Variants in SEC23IP observed in about 807,000 individuals in gnomAD.
The protein encoded by SEC23IP is SEC23 interacting protein.
In SEC23IP, 70 loss-of-function variants were observed where a neutral mutation model predicts 113.4. That is an observed-to-expected ratio of 0.62 (90% CI 0.51 to 0.75). The LOEUF (loss-of-function observed/expected upper bound fraction) is 0.75, where lower values mean the gene tolerates loss of function less well. SEC23IP is among the 30% of genes least tolerant of loss of function. The pLI, the probability that SEC23IP is intolerant of heterozygous loss-of-function variation, is 0.00. For missense variants in SEC23IP, 1,160 were observed against 1,204.9 expected, an observed-to-expected ratio of 0.96 and a Z score of 0.55; for synonymous variants, 398 against 421.0, an observed-to-expected ratio of 0.95 and a Z score of 0.67.
chr10:119,926,267 G>T, intron 13 of SEC23IP, 40 bp downstream of exon 13: 2 of 1,522,586 alleles, frequency 1.3e-6, no homozygotes, highest in Non-Finnish European at 1.8e-6. Context: ...AGTTCATGTT[G>T]GAATCATAAT....
At chr10:119,901,043 G>GA (rs11407972) in intron 2 of SEC23IP, among the ~76,000 whole-genome samples, 80,110 of 119,812 alleles carry the variant, frequency 0.67, 27,328 homozygotes, top group East Asian at 0.82. Flanking sequence ...TTTTTAAAGA[G>GA]TGGGGGGGGG....
At position 119,919,446 on chromosome 10, in the gene SEC23IP, G is replaced by A. The variant is rs1432549894; in HGVS notation, c.1875G>A (p.Met625Ile). The change falls in exon 11 of 19, where the codon ATG (methionine) becomes ATA (isoleucine). Residue 625 changes from methionine (M) to isoleucine (I), a missense_variant and splice_region_variant. Physicochemically the swap from Met to Ile is conservative, Grantham distance 10. Transcript: ENST00000369075. ...TTTTCATACTTTTTTTTTTAAAGAT[G>A]CCTGAAGAGCCAAAGCTGACTTTGG... Reference protein sequence around the residue: ...VKQLHFQEKQMPEEPKLTLDE... With the variant: ...VKQLHFQEKQIPEEPKLTLDE... 1.3e-6 allele frequency: 2 copies of A among 1,586,498 alleles called. No individual in the cohort carries two copies. The highest frequency in any genetic ancestry group is 2.7e-5 in the African/African-American group (2 of 72,822).
chr10:119,920,547 C>A (rs192337442), intron 11 of SEC23IP, among the ~76,000 whole-genome samples: 1 of 152,182 alleles, frequency 6.6e-6, no homozygotes, highest in African/African-American at 2.4e-5. Flanking sequence ...CATAAGACAT[C>A]GCTTCAAAGA....
At chr10:119,939,085 G>A (rs1855884697) in intron 18 of SEC23IP, among the ~76,000 whole-genome samples, 1 of 151,900 alleles carries the variant, frequency 6.6e-6, no homozygotes, top group Admixed American at 6.6e-5. Context: ...GAGGCAGGCA[G>A]ATCGCTTGAG....
intron 15 of SEC23IP, among the ~76,000 whole-genome samples, chr10:119,930,844 A>T (rs1855572926): frequency 6.6e-6 from 1 of 152,222 alleles, no homozygotes; most frequent in African/African-American, 2.4e-5. Context: ...AAATTCATTA[A>T]ACATAATGGA....
chr10:119,932,894 C>T, intron 16 of SEC23IP, 111 bp from the exon 17 acceptor site: 1 of 873,630 alleles, frequency 1.1e-6, no homozygotes, highest in Non-Finnish European at 1.8e-6. Flanking sequence ...GGTAGCTCCT[C>T]AGGTTGCTAC....
chr10:119,892,987 C>A, intron 1 of SEC23IP, 42 bp downstream of exon 1: 2 of 1,579,490 alleles, frequency 1.3e-6, no homozygotes, highest in Non-Finnish European at 1.7e-6. Flanking sequence ...GGGAGGCGGG[C>A]GGGGGACGTG....
rs71502804 is a variant in SEC23IP, at chr10:119,913,967, C to T, written c.1313-763C>T. Among the ~76,000 whole-genome samples, 69 of 151,914 alleles carry T rather than the reference C, an allele frequency of 4.5e-4. 2 individuals are homozygous for T. The highest frequency in any genetic ancestry group is 4.2e-3 in the Admixed American group (64 of 15,274). ...AGGAGTTCGAGACCAGCCTGGCCAA[C>T]TTGGTGAAACCCTGTCTCTACTAAA... is the stretch of plus-strand genomic sequence containing the variant. On this transcript the variant is annotated intron_variant, in intron 6 of 18. Transcript: ENST00000369075.
chr10:119,909,064 C>T lies in SEC23IP; in HGVS notation c.1125C>T (p.Thr375=), dbSNP rs1266582019. ...AGGCTGAATATAAAAAAGCTGTAAC[C>T]ACTAATCAGTGGCACCGAAGATTAG... ...KLEAEYKKAV[T]TNQWHRRLEF... The change falls in exon 5 of 19, where the codon ACC becomes ACT. Residue 375 remains threonine (T), a synonymous_variant. Transcript: ENST00000369075. 6.2e-7 allele frequency: 1 copy of T among 1,611,998 alleles called. No homozygotes were observed. Among genetic ancestry groups the T allele is most frequent in the Non-Finnish European group, 8.5e-7 (1 of 1,178,938 alleles).
chr10:119,926,752 A>G (rs905604311), intron 13 of SEC23IP, among the ~76,000 whole-genome samples: 2 of 152,254 alleles, frequency 1.3e-5, no homozygotes, highest in African/African-American at 4.8e-5. Context: ...ACAGTTGGGT[A>G]TATAAAGATG....
intron 4 of SEC23IP, among the ~76,000 whole-genome samples, chr10:119,906,604 A>T: frequency 6.6e-6 from 1 of 150,886 alleles, no homozygotes; most frequent in Non-Finnish European, 1.5e-5. Context: ...TTTAAACAGG[A>T]TCTCACTGTC....
rs528831509 is a variant in SEC23IP at position 119,940,918 on chromosome 10, G to T, written c.*353G>T. The T allele has an allele frequency of 6.6e-6, 1 of 152,114 alleles. No homozygotes were observed. The highest frequency in any genetic ancestry group is 1.5e-5 in the Non-Finnish European group (1 of 67,998). 9.4% of individuals were successfully genotyped at this position (152,114 alleles called of 1,614,324 possible). ...TTGTAGCATGTAAACGGTTATTTCT[G>T]TTTCTTAAAAAGTATTGTTAGTGGG... On this transcript the variant is annotated 3_prime_UTR_variant, in exon 19 of 19. Coordinates refer to ENST00000369075, the MANE Select transcript of SEC23IP (RefSeq NM_007190.4).
chr10:119,934,541 A>T (rs1333950044), intron 18 of SEC23IP, among the ~76,000 whole-genome samples: 1 of 152,232 alleles, frequency 6.6e-6, no homozygotes, highest in African/African-American at 2.4e-5. Context: ...GAGACACCAG[A>T]TACCTGGTTT....
Position 119,892,804 on chromosome 10 carries a change from G to T in SEC23IP, c.22G>T (p.Gly8Cys). The change falls in exon 1 of 19, where the codon GGT (glycine) becomes TGT (cysteine). Residue 8 changes from glycine to cysteine, a missense_variant. Transcript: ENST00000369075. MAERKPN[G>C]GSGGASTSSS... ...AGCCATGGCCGAGAGAAAACCTAAC[G>T]GTGGCAGCGGCGGCGCCTCCACTTC... 6.2e-7 allele frequency: 1 copy of T among 1,611,958 alleles called. No individual in the cohort carries two copies.
At chr10:119,927,896 C>T (rs2134518066) in intron 13 of SEC23IP, among the ~76,000 whole-genome samples, 1 of 152,320 alleles carries the variant, frequency 6.6e-6, no homozygotes, top group East Asian at 1.9e-4. Flanking sequence ...AAAGGATGGA[C>T]ACAGTCCCTT....
rs774516187 is a variant in SEC23IP at position 119,914,737 on chromosome 10, G to A, written c.1320G>A (p.Met440Ile). 1 of 1,614,024 alleles carries A rather than the reference G, an allele frequency of 6.2e-7. No homozygotes were observed. Among genetic ancestry groups the A allele is most frequent in the East Asian group, 2.2e-5 (1 of 44,878 alleles). The change falls in exon 7 of 19, where the codon ATG becomes ATA. Residue 440 changes from methionine (M) to isoleucine (I), a missense_variant. Transcript: ENST00000369075. ...AAAAATTTTTTTTGATAGGGGAGATGCCTCAAGTTGACCATTTGGTGTTTG... is the reference window on the plus strand; with the variant it reads ...AAAAATTTTTTTTGATAGGGGAGATACCTCAAGTTGACCATTTGGTGTTTG... ...DNLDEIPDGE[M>I]PQVDHLVFVV... is the part of the protein sequence containing the mutation.
chr10:119,933,838 A>T, intron 18 of SEC23IP, 51 bp downstream of exon 18: 1 of 942,442 alleles, frequency 1.1e-6, no homozygotes. Context: ...GCATTCTCAA[A>T]TCTGTTGTAT....
intron 1 of SEC23IP, among the ~76,000 whole-genome samples, chr10:119,898,080 A>AAT (rs1257702645): frequency 6.6e-6 from 1 of 151,906 alleles, no homozygotes; most frequent in Non-Finnish European, 1.5e-5. Flanking sequence ...AACATATACA[A>AAT]ATATATATTT....
rs2134554529 is a variant in SEC23IP, at chr10:119,943,827, A to G, written c.*3262A>G. ...ACAGGCCAGGGGTTATTGAGGACAC[A>G]TCTGTGAGATAGTGGGCAATGCTAC... On this transcript the variant is annotated 3_prime_UTR_variant, in exon 19 of 19. Coordinates refer to ENST00000369075, the MANE Select transcript of SEC23IP (RefSeq NM_007190.4). 1 of 152,336 alleles carries G rather than the reference A, an allele frequency of 6.6e-6. No individual in the cohort carries two copies. Among genetic ancestry groups the G allele is most frequent in the South Asian group, 2.1e-4 (1 of 4,818 alleles). The allele number at this position is 152,336 out of a possible 1,614,324, so 9.4% of individuals were successfully genotyped here. A position where few individuals can be genotyped will look rare whatever the true frequency, so the allele number is the denominator to read the frequency against.
Sources: allele counts gnomAD v4.1 joint callset (sites outside exome capture counted in the v4.1 genomes callset), GRCh38; gene constraint gnomAD v4.1.1; transcripts MANE v1.5; gene names NCBI Gene and HGNC (gene_info 2026-07-23, HGNC 2026-07-21).